Variants in STAM observed in about 807,000 individuals in gnomAD.
STAM encodes signal transducing adapter molecule 1.
STAM carries 16 observed loss-of-function variants against 63.4 expected under a neutral mutation model. That is an observed-to-expected ratio of 0.25 (90% CI 0.17 to 0.38). The LOEUF (loss-of-function observed/expected upper bound fraction) is 0.38, where lower values mean the gene tolerates loss of function less well. Ranked by LOEUF, STAM falls within the 10% of genes least tolerant of loss-of-function variation. The pLI is 1.00. For synonymous variants in STAM, 238 were observed against 223.9 expected (o/e 1.06, Z -0.56); for missense variants, 636 against 657.1 (o/e 0.97, Z 0.35).
At chr10:17,702,456 A>G (rs1201516166) in intron 9 of STAM, among the ~76,000 whole-genome samples, 3 of 152,186 alleles carry the variant, frequency 2.0e-5, no homozygotes, top group Non-Finnish European at 4.4e-5. Context: ...TCCTTTGGCT[A>G]TATTTAAAGG....
chr10:17,675,630 T>G (rs1554824577), intron 2 of STAM, among the ~76,000 whole-genome samples: 1 of 152,202 alleles, frequency 6.6e-6, no homozygotes. Context: ...TTCACTTAAG[T>G]TTTAGAAAAA....
chr10:17,701,385 A>G (rs1045626020), intron 9 of STAM, among the ~76,000 whole-genome samples: 2 of 152,330 alleles, frequency 1.3e-5, no homozygotes, highest in East Asian at 3.9e-4. Context: ...CAACTAGCAA[A>G]CCATTAAGGA....
At chr10:17,654,105 G>A (rs7070402) in intron 1 of STAM, among the ~76,000 whole-genome samples, 17,237 of 152,146 alleles carry the variant, frequency 0.11, 1,056 homozygotes, top group Middle Eastern at 0.16. Context: ...TTTGCTGACT[G>A]GGTAGTTAGC....
At chr10:17,659,068 T>A (rs1834057441) in intron 1 of STAM, among the ~76,000 whole-genome samples, 1 of 152,164 alleles carries the variant, frequency 6.6e-6, no homozygotes, top group African/African-American at 2.4e-5. Flanking sequence ...TTTGCATGAT[T>A]CCATTTTATC....
At chr10:17,672,225 A>G (rs1834669906) in intron 2 of STAM, among the ~76,000 whole-genome samples, 1 of 152,238 alleles carries the variant, frequency 6.6e-6, no homozygotes, top group South Asian at 2.1e-4. Flanking sequence ...TCATAACTGT[A>G]CAACAGTATA....
At chr10:17,672,423 T>G (rs541983037) in intron 2 of STAM, among the ~76,000 whole-genome samples, 1 of 152,368 alleles carries the variant, frequency 6.6e-6, no homozygotes, top group Admixed American at 6.5e-5. Flanking sequence ...TTTAACCTAC[T>G]GAATTTAACT....
chr10:17,708,776 G>T lies in STAM; in HGVS notation c.1210G>T (p.Val404Leu), dbSNP rs782273741. ...MQSSGVSGSQ[V>L]YAGPPPSGAY... ...TATGATTTCTCTTTAACCATCGCAG[G>T]TGTATGCAGGGCCTCCTCCAAGTGG... The change falls in exon 13 of 14, where the codon GTG (valine) becomes TTG (leucine). Residue 404 changes from valine to leucine, a missense_variant and splice_region_variant. By Grantham distance (32) the Val-to-Leu change is conservative. Around this residue, in one of 3 missense-constraint regions of STAM, gnomAD observed 532 missense variants for 536.9 expected, o/e 0.99. Transcript: ENST00000377524. 6.2e-7 allele frequency: 1 copy of T among 1,609,072 alleles called. No homozygotes were observed. Among genetic ancestry groups the T allele is most frequent in the South Asian group, 1.1e-5 (1 of 90,590 alleles).
intron 6 of STAM, among the ~76,000 whole-genome samples, chr10:17,694,429 G>A (rs1473394862): frequency 6.6e-6 from 1 of 152,116 alleles, no homozygotes; most frequent in African/African-American, 2.4e-5. Context: ...AGAGCAGAAA[G>A]GGTTCTGTGT....
Position 17,682,111 on chromosome 10 carries a change from G to T in STAM, c.126-2564G>T, listed in dbSNP as rs955078263. On this transcript the variant is annotated intron_variant, in intron 2 of 13. Transcript: ENST00000377524. ...TTGACAAATATATATACCTATATAA[G>T]TATCACCCCAACCAAGATAGCATTT... Among the ~76,000 whole-genome samples, 49 of 152,070 alleles carry T rather than the reference G, an allele frequency of 3.2e-4. 1 individual carries two copies.
chr10:17,683,249 G>C (rs930852233), intron 2 of STAM, among the ~76,000 whole-genome samples: 2 of 151,952 alleles, frequency 1.3e-5, no homozygotes, highest in African/African-American at 2.4e-5. Flanking sequence ...CTGCATCCTC[G>C]ACCTCTGGGG....
intron 2 of STAM, among the ~76,000 whole-genome samples, chr10:17,661,123 T>G (rs1255429956): frequency 6.6e-6 from 1 of 152,216 alleles, no homozygotes; most frequent in Admixed American, 6.5e-5. Flanking sequence ...AATAGAATCT[T>G]AAACTTTTTG....
intron 1 of STAM, among the ~76,000 whole-genome samples, chr10:17,648,127 TAC>T (rs1833588977): frequency 6.6e-6 from 1 of 152,210 alleles, no homozygotes; most frequent in African/African-American, 2.4e-5. Context: ...ATTTTGGCTG[TAC>T]TTTAAAAATA....
At chr10:17,693,578 A>G (rs1309963723) in intron 6 of STAM, among the ~76,000 whole-genome samples, 1 of 152,220 alleles carries the variant, frequency 6.6e-6, no homozygotes, top group Non-Finnish European at 1.5e-5. Flanking sequence ...TGTTTTTTGT[A>G]GATAGTACAC....
chr10:17,676,910 T>A (rs1204189195), intron 2 of STAM, among the ~76,000 whole-genome samples: 1 of 151,858 alleles, frequency 6.6e-6, no homozygotes, highest in African/African-American at 2.4e-5. Flanking sequence ...TATATATATA[T>A]AAAAGTTCAG....
At chr10:17,685,004 A>G (rs1564551841) in intron 4 of STAM, 77 bp downstream of exon 4, 5 of 1,196,380 alleles carry the variant, frequency 4.2e-6, no homozygotes, top group Non-Finnish European at 6.0e-6. Context: ...ATCTTCACAG[A>G]GGACTATTCT....
At chr10:17,676,987 A>G (rs1482274528) in intron 2 of STAM, among the ~76,000 whole-genome samples, 1 of 152,202 alleles carries the variant, frequency 6.6e-6, no homozygotes, top group Non-Finnish European at 1.5e-5. Context: ...GAAACAGTTC[A>G]TAATAGTGGT....
At chr10:17,709,084 A>G (rs2131696885) in intron 13 of STAM, 133 bp downstream of exon 13, 1 of 1,054,854 alleles carries the variant, frequency 9.5e-7, no homozygotes, top group South Asian at 1.8e-5. Context: ...CATTTGTGCT[A>G]ATGAGTGGTG....
chr10:17,687,921 CTT>C (rs1835361163), intron 4 of STAM, 104 bp from the exon 5 acceptor site: 3 of 964,480 alleles, frequency 3.1e-6, no homozygotes, highest in Non-Finnish European at 1.4e-6. Context: ...CTATGCATAA[CTT>C]GTGATTCAAA....
chr10:17,677,006 G>C (rs963589607), intron 2 of STAM, among the ~76,000 whole-genome samples: 5 of 152,146 alleles, frequency 3.3e-5, no homozygotes, highest in African/African-American at 1.2e-4. Flanking sequence ...GTTAAGTTCT[G>C]TTTTGTAGAC....
Sources: gnomAD v4.1 joint callset for allele counts (sites outside exome capture counted in the v4.1 genomes callset) on GRCh38, gnomAD v4.1.1 for gene constraint, gnomAD v4.1.1 regional missense constraint, MANE v1.5 for transcripts, NCBI Gene and HGNC (gene_info 2026-07-23, HGNC 2026-07-21) for gene names.